Variants in COQ2 observed in about 807,000 individuals in gnomAD.
COQ2 encodes the protein 4-hydroxybenzoate polyprenyltransferase, mitochondrial.
In COQ2, 25 loss-of-function variants were observed where a neutral mutation model predicts 35.7. The observed-to-expected ratio is 0.70, with a 90% CI of 0.51 to 0.98. The LOEUF (loss-of-function observed/expected upper bound fraction) is 0.98, where lower values mean the gene tolerates loss of function less well. Among genes scored for constraint, COQ2 ranks in the 50% least tolerant of loss-of-function variants. COQ2 has a pLI of 0.00. For missense variants in COQ2, 488 were observed against 473.5 expected, an observed-to-expected ratio of 1.03 and a Z score of -0.28; for synonymous variants, 206 against 186.2, an observed-to-expected ratio of 1.11 and a Z score of -0.86.
In COQ2 at chr4:83,265,039, C is replaced by CA. The variant is rs572505412; in HGVS notation, c.952-677dup. ...TAAATCTCTCCTGTTCAGGGACCTACATTTAGGGAAGGGGAGCTAGAGACC... is the reference window on the plus strand; with the variant it reads ...TAAATCTCTCCTGTTCAGGGACCTACAATTTAGGGAAGGGGAGCTAGAGACC... On this transcript the variant is annotated intron_variant, in intron 6 of 6. Transcript: ENST00000647002. Among the ~76,000 whole-genome samples, 14 of 152,300 alleles carry CA rather than the reference C, an allele frequency of 9.2e-5. No individual in the cohort carries two copies. The East Asian group carries it at 2.7e-3, about 29-fold the overall frequency.
At chr4:83,278,272 G>A (rs1735230889) in intron 2 of COQ2, among the ~76,000 whole-genome samples, 1 of 151,732 alleles carries the variant, frequency 6.6e-6, no homozygotes, top group Non-Finnish European at 1.5e-5. Context: ...CTTTCCTTGA[G>A]AAAATAACTG....
chr4:83,284,726 C>G lies in COQ2; in HGVS notation c.39G>C (p.Leu13=). The part of the protein sequence containing the change: ...GSRAAGFARG[L]RAVALAWLPG... ...GCAGCCACGCCAGTGCCACAGCCCG[C>G]AGGCCCCGCGCGAACCCCGCGGCTC... Residue 13 remains leucine (L), a synonymous_variant, in exon 1 of 7, where the codon CTG becomes CTC. Transcript: ENST00000647002. 3 of 1,515,316 alleles carry G rather than the reference C, an allele frequency of 2.0e-6. No individual in the cohort carries two copies. The highest frequency in any genetic ancestry group is 1.2e-5 in the South Asian group (1 of 81,194). The allele number at this position is 1,515,316 out of a possible 1,614,324, so 93.9% of individuals were successfully genotyped here.
intron 1 of COQ2, chr4:83,284,102 G>A (rs4693599): frequency 0.95 from 933,727 of 985,322 alleles, 444,726 homozygotes; most frequent in East Asian, 0.99. Flanking sequence ...TTGCGGGGAG[G>A]ATCAAACATT....
chr4:83,284,851 T>A (rs112033303), upstream of COQ2: 33,658 of 1,546,968 alleles, frequency 0.022, 428 homozygotes, highest in Non-Finnish European at 0.025. Flanking sequence ...AATCCTAGTC[T>A]GCCAGGCTGG....
At chr4:83,285,016 C>A, upstream of COQ2, 1 of 823,364 alleles carries the variant, frequency 1.2e-6, no homozygotes, top group Non-Finnish European at 1.8e-6. Context: ...TTTTACAACT[C>A]GATCTTGATT....
intron 2 of COQ2, among the ~76,000 whole-genome samples, chr4:83,277,275 C>T (rs1018015460): frequency 6.6e-6 from 1 of 152,188 alleles, no homozygotes; most frequent in African/African-American, 2.4e-5. Flanking sequence ...TACCATACAG[C>T]TCCTGCCACT....
intron 4 of COQ2, among the ~76,000 whole-genome samples, chr4:83,271,537 G>A (rs1446728774): frequency 6.6e-6 from 1 of 152,168 alleles, no homozygotes; most frequent in African/African-American, 2.4e-5. Context: ...CAATGGCCAG[G>A]CGTGATGGCA....
chr4:83,284,539 G>T lies in COQ2; in HGVS notation c.226C>A (p.Arg76Ser). Reference protein sequence around the residue: ...SAPRPLQPYLRLMRLDKPIGT... With the variant: ...SAPRPLQPYLSLMRLDKPIGT... ...ATGGGCTTGTCCAACCGCATGAGGC[G>T]CAAGTACGGCTGCAGGGGGCGGGGC... Residue 76 changes from arginine to serine, a missense_variant, in exon 1 of 7, where the codon CGC becomes AGC. Transcript: ENST00000647002. 6.3e-7 allele frequency: 1 copy of T among 1,575,430 alleles called. No individual in the cohort carries two copies. Among genetic ancestry groups the T allele is most frequent in the Non-Finnish European group, 8.6e-7 (1 of 1,162,288 alleles).
chr4:83,264,397 C>A, intron 6 of COQ2, 34 bp from the exon 7 acceptor site: 1 of 1,549,874 alleles, frequency 6.5e-7, no homozygotes, highest in South Asian at 1.3e-5. Context: ...GTATTAATAC[C>A]TAGTCTGGAC....
chr4:83,274,104 C>T (rs1735111889), intron 2 of COQ2, among the ~76,000 whole-genome samples: 1 of 151,700 alleles, frequency 6.6e-6, no homozygotes, highest in African/African-American at 2.4e-5. Context: ...TGCAGTGAGT[C>T]ATGATTGCAC....
intron 2 of COQ2, among the ~76,000 whole-genome samples, chr4:83,277,434 T>A (rs1381437660): frequency 6.6e-6 from 1 of 152,162 alleles, no homozygotes; most frequent in East Asian, 1.9e-4. Context: ...TTTTTTGCCA[T>A]CCTATTCTTT....
At chr4:83,265,737 C>T (rs1734902833) in intron 6 of COQ2, among the ~76,000 whole-genome samples, 1 of 152,086 alleles carries the variant, frequency 6.6e-6, no homozygotes, top group Non-Finnish European at 1.5e-5. Context: ...CATCTTGGCT[C>T]ACTGTAACCT....
intron 2 of COQ2, among the ~76,000 whole-genome samples, chr4:83,278,743 T>C (rs1253466567): frequency 6.6e-6 from 1 of 152,246 alleles, no homozygotes; most frequent in East Asian, 1.9e-4. Context: ...ACCTTGCCCC[T>C]GGGGCCACTC....
chr4:83,264,748 A>C (rs924733838), intron 6 of COQ2, among the ~76,000 whole-genome samples: 4 of 152,224 alleles, frequency 2.6e-5, no homozygotes, highest in African/African-American at 9.7e-5. Flanking sequence ...CTTGTGAGGC[A>C]ACCCATACTG....
At chr4:83,273,064 C>CATTG (rs1735086512) in intron 3 of COQ2, among the ~76,000 whole-genome samples, 1 of 152,202 alleles carries the variant, frequency 6.6e-6, no homozygotes, top group Non-Finnish European at 1.5e-5. Flanking sequence ...TTTCTTCAGT[C>CATTG]ATTGATTAGT....
Position 83,267,648 on chromosome 4 carries a change from T to A in COQ2, c.889A>T (p.Ser297Cys), listed in dbSNP as rs566845170. The A allele has an allele frequency of 6.8e-5, 107 of 1,580,888 alleles. No individual in the cohort carries two copies. Among genetic ancestry groups the A allele is most frequent in the South Asian group, 6.3e-4 (54 of 86,042 alleles). ...LGALSLVGVN[S>C]GQTAPYYAAL... ...GCGTAGTAGGGAGCAGTCTGTCCAC[T>A]GTTCACACCCACTAGGCTCAGTGCC... The change falls in exon 6 of 7, where the codon AGT becomes TGT. Residue 297 changes from serine (S) to cysteine (C), a missense_variant. Coordinates refer to ENST00000647002, the MANE Select transcript of COQ2 (RefSeq NM_001358921.2).
chr4:83,265,614 G>C (rs1023463424), intron 6 of COQ2, among the ~76,000 whole-genome samples: 1 of 151,992 alleles, frequency 6.6e-6, no homozygotes, highest in Non-Finnish European at 1.5e-5. Flanking sequence ...AAACTGGACA[G>C]AGGACCATAA....
At chr4:83,284,939 A>G (rs1012710626), upstream of COQ2, 2 of 1,434,396 alleles carry the variant, frequency 1.4e-6, no homozygotes, top group Non-Finnish European at 1.8e-6. Context: ...CTAGGGAGGA[A>G]TACTTAATGA....
chr4:83,267,633 G>C lies in COQ2; in HGVS notation c.904C>G (p.Pro302Ala). ...ACAGCACCCAGGGCAGCGTAGTAGGGAGCAGTCTGTCCACTGTTCACACCC... is the reference window on the plus strand; with the variant it reads ...ACAGCACCCAGGGCAGCGTAGTAGGCAGCAGTCTGTCCACTGTTCACACCC... Reference protein sequence around the residue: ...LVGVNSGQTAPYYAALGAVGA... With the variant: ...LVGVNSGQTAAYYAALGAVGA... Residue 302 changes from proline (P) to alanine (A), a missense_variant, in exon 6 of 7, where the codon CCC becomes GCC. Physicochemically the swap from Pro to Ala is conservative, Grantham distance 27 (BLOSUM62 -1). Transcript: ENST00000647002. The C allele has an allele frequency of 6.3e-7, 1 of 1,584,992 alleles. No individual in the cohort carries two copies. Among genetic ancestry groups the C allele is most frequent in the Non-Finnish European group, 8.6e-7 (1 of 1,165,758 alleles).
Sources: gnomAD v4.1 joint callset for allele counts (sites outside exome capture counted in the v4.1 genomes callset) on GRCh38, gnomAD v4.1.1 for gene constraint, MANE v1.5 for transcripts, NCBI Gene and HGNC (gene_info 2026-07-23, HGNC 2026-07-21) for gene names.